CREB3L2: variants seen among roughly 807,000 people sequenced by gnomAD.
CREB3L2 encodes cyclic AMP-responsive element-binding protein 3-like protein 2.
In CREB3L2, 23 loss-of-function variants were observed where a neutral mutation model predicts 57.2. The observed-to-expected ratio is 0.40, with a 90% CI of 0.29 to 0.57. CREB3L2 has a LOEUF of 0.57. CREB3L2 is among the 20% of genes least tolerant of loss of function. The probability of loss-of-function intolerance (pLI) is 0.42; values close to 1 mark genes in which losing one functional copy is unlikely to be tolerated. For synonymous variants in CREB3L2, 268 were observed against 265.1 expected (o/e 1.01, Z -0.11); for missense variants, 628 against 634.7 (o/e 0.99, Z 0.11).
chr7:137,888,967 GC>G (rs1335526667), intron 8 of CREB3L2, among the ~76,000 whole-genome samples: 5 of 151,388 alleles, frequency 3.3e-5, no homozygotes, highest in African/African-American at 1.2e-4. Flanking sequence ...AAAGTCTTAA[GC>G]TGTTTTGAAA....
chr7:137,961,775 G>A (rs1327847402), intron 1 of CREB3L2, among the ~76,000 whole-genome samples: 2 of 152,192 alleles, frequency 1.3e-5, no homozygotes, highest in African/African-American at 4.8e-5. Context: ...TCTAAGCTCT[G>A]CCCTTGGCAA....
chr7:137,917,875 G>A (rs971677552), intron 2 of CREB3L2, among the ~76,000 whole-genome samples: 10 of 152,076 alleles, frequency 6.6e-5, no homozygotes, highest in Non-Finnish European at 1.2e-4. Flanking sequence ...ATGGTGTGAC[G>A]GGGATTTCCA....
chr7:137,975,425 C>T (rs1801589175), intron 1 of CREB3L2, among the ~76,000 whole-genome samples: 1 of 152,226 alleles, frequency 6.6e-6, no homozygotes, highest in South Asian at 2.1e-4. Flanking sequence ...GGCTGACACA[C>T]ACTGCAACCT....
intron 8 of CREB3L2, among the ~76,000 whole-genome samples, chr7:137,895,967 C>G (rs1022497944): frequency 5.9e-5 from 9 of 152,198 alleles, no homozygotes; most frequent in African/African-American, 1.9e-4. Flanking sequence ...GGAACACACA[C>G]ACAGGTGTGC....
chr7:137,931,298 G>A (rs1038379968), intron 1 of CREB3L2, among the ~76,000 whole-genome samples: 13 of 151,788 alleles, frequency 8.6e-5, no homozygotes, highest in Admixed American at 5.3e-4. Context: ...TGAGATGGGC[G>A]GATCATGAGG....
Position 137,898,153 on chromosome 7 carries a change from G to T in CREB3L2, c.1043+3201C>A, listed in dbSNP as rs1179130141. ...ACATAAAAATGGTCAACTGGTATAT[G>T]AATAGGTGCTCACTGACACTAGTCA... On this transcript the variant is annotated intron_variant, in intron 8 of 11. Transcript: ENST00000330387. Among the ~76,000 whole-genome samples, 4 of 152,162 alleles carry T rather than the reference G, an allele frequency of 2.6e-5. No individual in the cohort carries two copies. In the East Asian group the frequency reaches 7.7e-4, roughly 29 times the overall value.
intron 4 of CREB3L2, among the ~76,000 whole-genome samples, chr7:137,910,646 G>C (rs1163158122): frequency 6.6e-6 from 1 of 152,068 alleles, no homozygotes; most frequent in African/African-American, 2.4e-5. Context: ...GAACTAGCCA[G>C]GAGTACCTAG....
chr7:137,932,230 T>G (rs1272228238), intron 1 of CREB3L2, among the ~76,000 whole-genome samples: 1 of 152,236 alleles, frequency 6.6e-6, no homozygotes, highest in African/African-American at 2.4e-5. Flanking sequence ...TCTATTCCAT[T>G]GTATTTATCC....
rs374130626 is a variant in CREB3L2, at chr7:137,902,879, C to A, written c.974+1080G>T. Among the ~76,000 whole-genome samples the A allele has an allele frequency of 1.1e-4, 16 of 152,136 alleles. No homozygotes were observed. The East Asian group carries it at 1.9e-3, about 18-fold the overall frequency. On this transcript the variant is annotated intron_variant, in intron 7 of 11. Transcript: ENST00000330387. ...TCATCAAGGCTATAGTGCAGTGGCA[C>A]AATCACAGCTCACTGCAGCCTCAAC... is the stretch of plus-strand genomic sequence containing the variant.
At chr7:137,922,415 T>TATATATATATATATATATATATAC (rs1491237233) in intron 2 of CREB3L2, among the ~76,000 whole-genome samples, 32 of 23,138 alleles carry the variant, frequency 1.4e-3, no homozygotes, top group Admixed American at 2.8e-3. Context: ...TATATATATA[T>TATATATATATATATATATATATAC]GTATATATAT....
chr7:137,975,129 T>G (rs1426495118), intron 1 of CREB3L2, among the ~76,000 whole-genome samples: 2 of 152,176 alleles, frequency 1.3e-5, no homozygotes, highest in Non-Finnish European at 2.9e-5. Flanking sequence ...ATAAAAATAT[T>G]AGTTACTTTA....
rs995052410 is a variant in CREB3L2, at chr7:137,979,716, A to G, written c.102+21888T>C. Among the ~76,000 whole-genome samples, 13 of 137,854 alleles carry G rather than the reference A, an allele frequency of 9.4e-5. 1 individual carries two copies. The highest frequency in any genetic ancestry group is 2.8e-4 in the African/African-American group (10 of 35,590). The allele number at this position is 137,854 out of a possible 152,430, so 90.4% of individuals were successfully genotyped here. On this transcript the variant is annotated intron_variant, in intron 1 of 11. Transcript: ENST00000330387. ...ACTCCAGCCTGGGCAACAGATCGAGACTCCGTCTCAAAAACAACAACAACA... is the reference window on the plus strand; with the variant it reads ...ACTCCAGCCTGGGCAACAGATCGAGGCTCCGTCTCAAAAACAACAACAACA...
At chr7:137,914,185 TTAA>T (rs201636718) in intron 3 of CREB3L2, among the ~76,000 whole-genome samples, 271 of 149,662 alleles carry the variant, frequency 1.8e-3, no homozygotes, top group African/African-American at 6.5e-3. Flanking sequence ...AATATAATTA[TTAA>T]TAATTAATAT....
At chr7:137,989,013 A>G (rs924376976) in intron 1 of CREB3L2, among the ~76,000 whole-genome samples, 2 of 152,162 alleles carry the variant, frequency 1.3e-5, no homozygotes, top group Non-Finnish European at 2.9e-5. Flanking sequence ...AAGAAAAGAA[A>G]GAGAGAAAGA....
In CREB3L2 at chr7:137,905,683, C is replaced by T; in HGVS notation, c.915+19G>A. ...CTGCTCGTCTCTGCTCTAGAAGTGC[C>T]TAGATTTGAAGAGCTCACCTTATTC... On this transcript the variant is annotated intron_variant, in intron 6 of 11. Transcript: ENST00000330387. The T allele has an allele frequency of 6.2e-7, 1 of 1,613,800 alleles. No homozygotes were observed. The highest frequency in any genetic ancestry group is 8.5e-7 in the Non-Finnish European group (1 of 1,179,736).
At chr7:137,887,428 G>A (rs1281742584) in intron 8 of CREB3L2, among the ~76,000 whole-genome samples, 1 of 152,202 alleles carries the variant, frequency 6.6e-6, no homozygotes, top group Non-Finnish European at 1.5e-5. Context: ...TCCTTTCTGG[G>A]CCAGGCGCGG....
intron 6 of CREB3L2, 22 bp downstream of exon 6, chr7:137,905,680 T>C (rs763457253): frequency 6.2e-7 from 1 of 1,613,184 alleles, no homozygotes. Flanking sequence ...GCTCTAGAAG[T>C]GCCTAGATTT....
At chr7:137,959,727 A>C (rs1801284165) in intron 1 of CREB3L2, among the ~76,000 whole-genome samples, 1 of 152,246 alleles carries the variant, frequency 6.6e-6, no homozygotes, top group Non-Finnish European at 1.5e-5. Context: ...AGGGTAAAAG[A>C]AAGCATGATG....
chr7:137,922,397 T>C (rs576290744), intron 2 of CREB3L2, among the ~76,000 whole-genome samples: 21 of 17,766 alleles, frequency 1.2e-3, no homozygotes, highest in Admixed American at 5.6e-3. Flanking sequence ...TATATATATA[T>C]ATATATATAT....
Sources: gnomAD v4.1 joint callset for allele counts (sites outside exome capture counted in the v4.1 genomes callset) on GRCh38, gnomAD v4.1.1 for gene constraint, MANE v1.5 for transcripts, NCBI Gene and HGNC (gene_info 2026-07-23, HGNC 2026-07-21) for gene names.